Variants in RAPGEF2 observed in about 807,000 individuals in gnomAD.
RAPGEF2 encodes the protein Rap guanine nucleotide exchange factor 2, also known as PDZ domain containing guanine nucleotide exchange factor (GEF) 1.
Under a neutral mutation model 186.7 loss-of-function variants are expected in RAPGEF2, and 54 were observed. The ratio of observed to expected loss-of-function variants is 0.29; its 90% CI spans 0.23 to 0.36. RAPGEF2 has a LOEUF of 0.36. Among genes scored for constraint, RAPGEF2 ranks in the 10% least tolerant of loss-of-function variants. The pLI, the probability that RAPGEF2 is intolerant of heterozygous loss-of-function variation, is 1.00. For missense variants in RAPGEF2, 1,532 were observed against 2,045.0 expected (o/e 0.75, Z 4.84); for synonymous variants, 712 against 705.9 (o/e 1.01, Z -0.14).
chr4:159,348,199 C>T (rs957406598), intron 25 of RAPGEF2, among the ~76,000 whole-genome samples: 5 of 147,964 alleles, frequency 3.4e-5, no homozygotes, highest in South Asian at 2.1e-4. Context: ...CCAGCCTGGG[C>T]GACAGAGCAA....
intron 4 of RAPGEF2, among the ~76,000 whole-genome samples, chr4:159,225,784 CAA>C (rs1239745583): frequency 6.6e-6 from 1 of 152,050 alleles, no homozygotes; most frequent in Admixed American, 6.6e-5. Flanking sequence ...TATATCTTGA[CAA>C]AGTGTCAGTT....
intron 7 of RAPGEF2, among the ~76,000 whole-genome samples, chr4:159,303,281 CCT>C (rs1046559547): frequency 6.6e-6 from 1 of 152,026 alleles, no homozygotes; most frequent in Non-Finnish European, 1.5e-5. Context: ...AGGGAATGAG[CCT>C]CAAAAGGTGG....
Position 159,332,573 on chromosome 4 carries a change from GA to G in RAPGEF2, c.2013del (p.Glu671AspfsTer3). 6.2e-7 allele frequency: 1 copy of G among 1,614,126 alleles called. No homozygotes were observed. The highest frequency in any genetic ancestry group is 8.5e-7 in the Non-Finnish European group (1 of 1,180,010). ...CATTCCAGATCTTGCTGTAGATGTA[GA>G]ACAGGTGATAGGACTTGAAAAAGTG... The part of the protein sequence containing the change: ...YSIPDLAVDV[E>X]QVIGLEKVNK... On this transcript the variant is annotated frameshift_variant, in exon 17 of 30. Coordinates refer to ENST00000691494, the MANE Select transcript of RAPGEF2 (RefSeq NM_001394067.2). LOFTEE classifies it high-confidence loss of function.
intron 9 of RAPGEF2, among the ~76,000 whole-genome samples, chr4:159,321,849 G>A (rs550690463): frequency 3.3e-5 from 5 of 151,696 alleles, no homozygotes; most frequent in Admixed American, 1.3e-4. Context: ...ATATCATGTC[G>A]TTAATTTTTT....
chr4:159,348,624 C>T (rs1470779709), intron 25 of RAPGEF2, among the ~76,000 whole-genome samples: 1 of 152,112 alleles, frequency 6.6e-6, no homozygotes, highest in Non-Finnish European at 1.5e-5. Flanking sequence ...CCCCTGCAGT[C>T]TGTATCGTCT....
intron 3 of RAPGEF2, among the ~76,000 whole-genome samples, chr4:159,197,859 A>G (rs1748820583): frequency 6.6e-6 from 1 of 152,122 alleles, no homozygotes; most frequent in Non-Finnish European, 1.5e-5. Context: ...ATTTATCTGT[A>G]TCTGCATTTA....
chr4:159,330,842 T>A (rs1035409543), intron 13 of RAPGEF2, among the ~76,000 whole-genome samples: 8 of 152,148 alleles, frequency 5.3e-5, no homozygotes, highest in African/African-American at 1.9e-4. Flanking sequence ...GTAGTAAGTG[T>A]ACACCAGATA....
Position 159,178,766 on chromosome 4 carries a change from C to T in RAPGEF2, c.70-7876C>T, listed in dbSNP as rs1224950808. On this transcript the variant is annotated intron_variant, in intron 1 of 29. Coordinates refer to ENST00000691494, the MANE Select transcript of RAPGEF2 (RefSeq NM_001394067.2). ...AGAGACGGGGGTTTCTCCATGTTAG[C>T]CAGGCTGGTCTTGAGCTCCTGACCT... is the stretch of plus-strand genomic sequence containing the variant. 4.6e-5 allele frequency among the ~76,000 whole-genome samples: 7 copies of T among 152,094 alleles called. No individual in the cohort carries two copies. The East Asian group carries it at 1.4e-3, about 30-fold the overall frequency.
chr4:159,124,788 T>C (rs1166402440), intron 1 of RAPGEF2, among the ~76,000 whole-genome samples: 5 of 152,172 alleles, frequency 3.3e-5, no homozygotes, highest in Admixed American at 2.6e-4. Flanking sequence ...TTTACAAATA[T>C]ACTCTGAGGG....
intron 17 of RAPGEF2, among the ~76,000 whole-genome samples, chr4:159,337,728 A>G (rs1413112945): frequency 2.0e-5 from 3 of 151,334 alleles, no homozygotes; most frequent in Non-Finnish European, 2.9e-5. Context: ...TCTCTACTCA[A>G]AATACAAAAA....
At chr4:159,283,449 T>C (rs575370400) in intron 7 of RAPGEF2, among the ~76,000 whole-genome samples, 1 of 152,330 alleles carries the variant, frequency 6.6e-6, no homozygotes, top group South Asian at 2.1e-4. Context: ...GCATGGTTTT[T>C]AGTTTTCAGT....
intron 8 of RAPGEF2, among the ~76,000 whole-genome samples, chr4:159,311,570 G>T (rs1380721983): frequency 6.6e-6 from 1 of 152,164 alleles, no homozygotes; most frequent in Admixed American, 6.5e-5. Flanking sequence ...TGTATCTACA[G>T]TTTACATCGA....
chr4:159,187,589 TTATAC>T (rs1197317028), intron 2 of RAPGEF2, among the ~76,000 whole-genome samples: 2 of 152,212 alleles, frequency 1.3e-5, no homozygotes, highest in Non-Finnish European at 2.9e-5. Context: ...GAAACACAGT[TTATAC>T]TATATTTGTT....
chr4:159,356,791 C>T (rs1277240097), intron 29 of RAPGEF2, among the ~76,000 whole-genome samples: 1 of 151,998 alleles, frequency 6.6e-6, no homozygotes, highest in African/African-American at 2.4e-5. Context: ...ATCCCAGCTG[C>T]TCGGGAGGCT....
intron 7 of RAPGEF2, among the ~76,000 whole-genome samples, chr4:159,290,044 C>T (rs1456919232): frequency 6.6e-6 from 1 of 152,130 alleles, no homozygotes; most frequent in Admixed American, 6.6e-5. Context: ...AGGGGAGTGA[C>T]AGGATCAGGT....
At chr4:159,209,460 G>A (rs766668788) in intron 3 of RAPGEF2, among the ~76,000 whole-genome samples, 1 of 152,196 alleles carries the variant, frequency 6.6e-6, no homozygotes, top group Non-Finnish European at 1.5e-5. Context: ...CCTGCCTGTT[G>A]CCTGGAATGC....
chr4:159,193,911 T>C (rs942974274), intron 3 of RAPGEF2, among the ~76,000 whole-genome samples: 2 of 152,228 alleles, frequency 1.3e-5, no homozygotes, highest in Non-Finnish European at 2.9e-5. Context: ...GGAATATTTA[T>C]TCAAATAAAT....
At chr4:159,178,551 CTTTTTTTT>C (rs71589215) in intron 1 of RAPGEF2, among the ~76,000 whole-genome samples, 24 of 75,470 alleles carry the variant, frequency 3.2e-4, no homozygotes, top group African/African-American at 1.2e-3. Context: ...ATGTATTATG[CTTTTTTTT>C]TTTTTTTTTT....
At chr4:159,153,284 C>G (rs1036751742) in intron 1 of RAPGEF2, among the ~76,000 whole-genome samples, 4 of 152,084 alleles carry the variant, frequency 2.6e-5, no homozygotes, top group African/African-American at 9.7e-5. Flanking sequence ...AAAAAGAAAT[C>G]TTGCTGGGGT....
Sources: gnomAD v4.1 joint callset for allele counts (sites outside exome capture counted in the v4.1 genomes callset) on GRCh38, gnomAD v4.1.1 for gene constraint, MANE v1.5 for transcripts, NCBI Gene and HGNC (gene_info 2026-07-23, HGNC 2026-07-21) for gene names.